Variants in GSG1L observed in about 807,000 individuals in gnomAD.
GSG1L encodes GSG1 like.
A neutral mutation model predicts 42.1 loss-of-function variants in GSG1L; 24 were observed. That is an observed-to-expected ratio of 0.57 (90% CI 0.41 to 0.80). The LOEUF is 0.80. GSG1L is among the 30% of genes least tolerant of loss of function. The probability of loss-of-function intolerance (pLI) is 0.00; values close to 1 mark genes in which losing one functional copy is unlikely to be tolerated. For missense variants in GSG1L, 445 were observed against 472.2 expected, an observed-to-expected ratio of 0.94 and a Z score of 0.53; for synonymous variants, 215 against 203.5, an observed-to-expected ratio of 1.06 and a Z score of -0.48.
At chr16:28,039,507 T>C (rs139808726) in intron 1 of GSG1L, among the ~76,000 whole-genome samples, 261 of 152,052 alleles carry the variant, frequency 1.7e-3, no homozygotes, top group African/African-American at 6.1e-3. Context: ...TGAGAATCCC[T>C]CAGCAGAACA....
At chr16:28,016,282 C>T (rs1033225535) in intron 1 of GSG1L, among the ~76,000 whole-genome samples, 2 of 152,200 alleles carry the variant, frequency 1.3e-5, no homozygotes, top group Non-Finnish European at 2.9e-5. Flanking sequence ...AGCCACACTG[C>T]ACCTGGAACC....
intron 1 of GSG1L, among the ~76,000 whole-genome samples, chr16:27,966,220 C>A (rs999272745): frequency 7.2e-5 from 11 of 152,234 alleles, no homozygotes; most frequent in African/African-American, 2.7e-4. Flanking sequence ...CCTCCCCTGA[C>A]ACTCTCCATC....
chr16:27,806,928 C>T (rs143861923), intron 6 of GSG1L, among the ~76,000 whole-genome samples: 24 of 152,258 alleles, frequency 1.6e-4, no homozygotes, highest in South Asian at 2.1e-4. Context: ...GTGGGGAACA[C>T]GTGGTGGGCA....
Position 28,063,015 on chromosome 16 carries a change from C to T in GSG1L, c.349+61G>A. On this transcript the variant is annotated intron_variant, in intron 1 of 6. Transcript: ENST00000447459. The surrounding 1 kb of genome is among the most constrained non-coding windows in gnomAD (Gnocchi z 5.8). ...GCGAACGGGTCCGGGGCTCGGGCCT[C>T]GATGGCCGCGCCGCCCCGGGGGAGC... is the stretch of plus-strand genomic sequence containing the variant. The T allele has an allele frequency of 1.5e-6, 2 of 1,307,714 alleles. No homozygotes were observed. The highest frequency in any genetic ancestry group is 1.9e-6 in the Non-Finnish European group (2 of 1,027,638). 81.0% of individuals were successfully genotyped at this position (1,307,714 alleles called of 1,614,324 possible).
At chr16:28,026,045 A>G (rs1281321118) in intron 1 of GSG1L, among the ~76,000 whole-genome samples, 1 of 152,196 alleles carries the variant, frequency 6.6e-6, no homozygotes, top group Non-Finnish European at 1.5e-5. Context: ...TCTGATCAAC[A>G]CGTGGCTCTG....
At chr16:27,947,428 G>GAAAGAAAGAA (rs749292101) in intron 2 of GSG1L, among the ~76,000 whole-genome samples, 12 of 136,892 alleles carry the variant, frequency 8.8e-5, no homozygotes, top group African/African-American at 3.2e-4. Context: ...AAGAAAGAAA[G>GAAAGAAAGAA]AGAAGGAAGG....
At chr16:27,922,971 A>G (rs976005618) in intron 2 of GSG1L, among the ~76,000 whole-genome samples, 2 of 152,046 alleles carry the variant, frequency 1.3e-5, no homozygotes, top group South Asian at 2.1e-4. Context: ...TATTTTTTGT[A>G]GAGAAGGAGT....
chr16:27,971,185 A>G (rs1203445420), intron 1 of GSG1L, among the ~76,000 whole-genome samples: 2 of 152,196 alleles, frequency 1.3e-5, no homozygotes, highest in African/African-American at 4.8e-5. Flanking sequence ...TAAAAAAGCA[A>G]GTTGGAATTT....
intron 3 of GSG1L, among the ~76,000 whole-genome samples, chr16:27,873,983 T>G (rs2083854573): frequency 6.6e-6 from 1 of 152,152 alleles, no homozygotes; most frequent in Admixed American, 6.5e-5. Context: ...GGCCTCTCCC[T>G]TAATGTGTCA....
At chr16:27,992,389 G>A (rs529595873) in intron 1 of GSG1L, among the ~76,000 whole-genome samples, 2 of 152,152 alleles carry the variant, frequency 1.3e-5, no homozygotes, top group Admixed American at 1.3e-4. Context: ...CAGTTACTAG[G>A]GAGGCTGAGG....
At chr16:27,819,623 C>T (rs551832274) in intron 5 of GSG1L, among the ~76,000 whole-genome samples, 2 of 152,308 alleles carry the variant, frequency 1.3e-5, no homozygotes, top group East Asian at 1.9e-4. Flanking sequence ...CAGAGCTGCA[C>T]AGGCCGGAAC....
At chr16:27,914,305 G>T (rs2084425401) in intron 2 of GSG1L, among the ~76,000 whole-genome samples, 1 of 151,842 alleles carries the variant, frequency 6.6e-6, no homozygotes, top group Non-Finnish European at 1.5e-5. Context: ...GAATGGTTTG[G>T]CAGTAGAATT....
intron 1 of GSG1L, among the ~76,000 whole-genome samples, chr16:28,053,561 G>A (rs1373615399): frequency 6.6e-6 from 1 of 152,176 alleles, no homozygotes; most frequent in Admixed American, 6.5e-5. Context: ...GAGGCCTCAA[G>A]GAGTCACTTC....
At chr16:28,003,992 C>T (rs1256950837) in intron 1 of GSG1L, among the ~76,000 whole-genome samples, 2 of 152,220 alleles carry the variant, frequency 1.3e-5, no homozygotes, top group African/African-American at 2.4e-5. Context: ...ATGACACGGG[C>T]GGCACAGCTG....
chr16:27,907,763 T>C (rs2084336278), intron 2 of GSG1L, among the ~76,000 whole-genome samples: 1 of 152,244 alleles, frequency 6.6e-6, no homozygotes, highest in African/African-American at 2.4e-5. Flanking sequence ...GCTGTCTTGG[T>C]TTTGTAGGAC....
chr16:27,793,806 T>G (rs2082786606), intron 6 of GSG1L, among the ~76,000 whole-genome samples: 1 of 152,140 alleles, frequency 6.6e-6, no homozygotes, highest in Non-Finnish European at 1.5e-5. Context: ...TTAAGGTGTG[T>G]GTATACAGAG....
At chr16:27,935,257 G>A (rs1041104579) in intron 2 of GSG1L, among the ~76,000 whole-genome samples, 2 of 152,070 alleles carry the variant, frequency 1.3e-5, no homozygotes, top group Middle Eastern at 3.2e-3. Context: ...GTCCCTGTGG[G>A]TCCCCAGGCC....
intron 1 of GSG1L, among the ~76,000 whole-genome samples, chr16:28,051,026 G>A (rs890351491): frequency 1.3e-5 from 2 of 152,160 alleles, no homozygotes; most frequent in Non-Finnish European, 2.9e-5. Context: ...ACCCTCATTC[G>A]TCTTGTTTCC....
At chr16:27,882,142 T>C (rs1049737777) in intron 3 of GSG1L, among the ~76,000 whole-genome samples, 2 of 152,204 alleles carry the variant, frequency 1.3e-5, no homozygotes, top group Admixed American at 6.5e-5. Context: ...GCTGTTCTCC[T>C]GATAGTGAGT....
Sources: gnomAD v4.1 joint callset for allele counts (sites outside exome capture counted in the v4.1 genomes callset) on GRCh38, gnomAD v4.1.1 for gene constraint, Gnocchi (gnomAD v3.1) non-coding constraint, MANE v1.5 for transcripts, NCBI Gene and HGNC (gene_info 2026-07-23, HGNC 2026-07-21) for gene names.